Variants in MYO3A observed in about 807,000 individuals in gnomAD.
MYO3A encodes the protein myosin IIIA.
A neutral mutation model predicts 192.7 loss-of-function variants in MYO3A; 180 were observed. The observed-to-expected ratio is 0.93, with a 90% CI of 0.83 to 1.06. The LOEUF is 1.06. Ranked by LOEUF, MYO3A falls within the 50% of genes least tolerant of loss-of-function variation. The probability of loss-of-function intolerance (pLI) is 0.00; values close to 1 mark genes in which losing one functional copy is unlikely to be tolerated. For synonymous variants in MYO3A, 628 were observed against 645.3 expected (o/e 0.97, Z 0.41); for missense variants, 1,896 against 1,905.0 (o/e 1.00, Z 0.09).
At chr10:25,961,487 C>T (rs552465860) in intron 4 of MYO3A, among the ~76,000 whole-genome samples, 51 of 152,012 alleles carry the variant, frequency 3.4e-4, no homozygotes, top group Admixed American at 9.8e-4. Context: ...TCAGTAGAGT[C>T]GCTACAATTT....
chr10:26,203,171 A>G, intron 34 of MYO3A, 64 bp downstream of exon 34: 1 of 1,526,892 alleles, frequency 6.5e-7, no homozygotes, highest in Non-Finnish European at 9.0e-7. Flanking sequence ...ATTTCTTAAG[A>G]TATTTCACTT....
At chr10:26,040,674 G>A (rs957161138) in intron 10 of MYO3A, among the ~76,000 whole-genome samples, 3 of 152,026 alleles carry the variant, frequency 2.0e-5, no homozygotes, top group Non-Finnish European at 4.4e-5. Context: ...AATGGGAAAA[G>A]CGTTCATTTC....
intron 6 of MYO3A, among the ~76,000 whole-genome samples, chr10:26,011,602 A>G (rs951665655): frequency 2.0e-5 from 3 of 152,202 alleles, no homozygotes; most frequent in Admixed American, 2.0e-4. Context: ...AATAACAAAC[A>G]GCAAGATTGA....
intron 12 of MYO3A, 84 bp from the exon 13 acceptor site, chr10:26,070,026 TA>T: frequency 1.0e-6 from 1 of 970,316 alleles, no homozygotes; most frequent in Non-Finnish European, 1.6e-6. Context: ...TACTTTGCTT[TA>T]AAAATTGGAG....
chr10:26,003,033 G>A (rs571915848), intron 6 of MYO3A, among the ~76,000 whole-genome samples: 97 of 152,280 alleles, frequency 6.4e-4, no homozygotes, highest in African/African-American at 2.3e-3. Context: ...GAATGAAGGA[G>A]GGGGAAGACT....
Position 26,212,022 on chromosome 10 carries a change from G to A in MYO3A, c.*59G>A, listed in dbSNP as rs757310516. 7.6e-6 allele frequency: 12 copies of A among 1,584,432 alleles called. No homozygotes were observed. Among genetic ancestry groups the A allele is most frequent in the Non-Finnish European group, 1.0e-5 (12 of 1,162,326 alleles). On this transcript the variant is annotated 3_prime_UTR_variant, in exon 35 of 35. Transcript: ENST00000642920. ...CGCTGGAGCCTGCGGGGCAGCAGGG[G>A]CCAAGCAGGCACTCTGGGGCTGGCA...
chr10:26,091,657 C>G (rs190542360), intron 15 of MYO3A, among the ~76,000 whole-genome samples: 36 of 152,340 alleles, frequency 2.4e-4, no homozygotes, highest in African/African-American at 8.4e-4. Context: ...ATGTCAGGCA[C>G]TGCACTAAGC....
chr10:25,971,165 A>T (rs1479451144), intron 4 of MYO3A, among the ~76,000 whole-genome samples: 4 of 152,088 alleles, frequency 2.6e-5, no homozygotes. Context: ...ATAGTTTGTT[A>T]TCTGTCTTAT....
At chr10:26,035,891 A>G (rs143867263) in intron 10 of MYO3A, among the ~76,000 whole-genome samples, 1 of 152,194 alleles carries the variant, frequency 6.6e-6, no homozygotes, top group East Asian at 1.9e-4. Context: ...TGCATTACTA[A>G]GTAGAATATT....
At chr10:26,145,840 A>T (rs1317882483) in intron 22 of MYO3A, among the ~76,000 whole-genome samples, 2 of 152,240 alleles carry the variant, frequency 1.3e-5, no homozygotes, top group Non-Finnish European at 2.9e-5. Context: ...TTCTAGAGGA[A>T]TCATTTTTAA....
intron 32 of MYO3A, among the ~76,000 whole-genome samples, chr10:26,200,532 C>A (rs1843634500): frequency 6.6e-6 from 1 of 152,156 alleles, no homozygotes; most frequent in Non-Finnish European, 1.5e-5. Context: ...CACACAAAAA[C>A]ACATTACTAA....
At chr10:25,973,004 G>T (rs372788520) in intron 4 of MYO3A, among the ~76,000 whole-genome samples, 1 of 152,214 alleles carries the variant, frequency 6.6e-6, no homozygotes, top group South Asian at 2.1e-4. Context: ...AATTCTATTT[G>T]CTAATTCTGT....
chr10:26,082,548 G>T (rs1274403212), intron 14 of MYO3A, among the ~76,000 whole-genome samples: 3 of 152,142 alleles, frequency 2.0e-5, no homozygotes, highest in African/African-American at 7.2e-5. Flanking sequence ...TTACCCCACA[G>T]GGGATATGAT....
chr10:26,128,409 G>A lies in MYO3A; in HGVS notation c.2133G>A (p.Leu711=), dbSNP rs56147819. The A allele has an allele frequency of 6.0e-4, 966 of 1,613,158 alleles. 9 individuals are homozygous for A. In the Admixed American group the frequency reaches 7.3e-3, roughly 12 times the overall value. The change falls in exon 20 of 35, where the codon CTG becomes CTA. Residue 711 remains leucine (L), a synonymous_variant. Transcript: ENST00000642920. Reference sequence around the variant, plus strand: ...CTTCTAGTGGGAATGGTGATGAGCTGAGCATTGGCATTCTTGATATATTTG... The same window carrying A: ...CTTCTAGTGGGAATGGTGATGAGCTAAGCATTGGCATTCTTGATATATTTG... ...DSSPSGNGDE[L]SIGILDIFGF...
In MYO3A at chr10:26,070,318, T is replaced by G. The variant is rs774073811; in HGVS notation, c.1276T>G (p.Cys426Gly). ...QSMITYNSDQ[C>G]IVISGESGAG... Reference sequence around the variant, plus strand: ...TCACAGTTTTCTTTTCTATGTATAGTGCATTGTTATTTCTGGAGAAAGTGG... The same window carrying G: ...TCACAGTTTTCTTTTCTATGTATAGGGCATTGTTATTTCTGGAGAAAGTGG... Residue 426 changes from cysteine (C) to glycine (G), a missense_variant and splice_region_variant, in exon 14 of 35, where the codon TGC (cysteine) becomes GGC (glycine). By Grantham distance (159) the Cys-to-Gly change is radical. Coordinates refer to ENST00000642920, the MANE Select transcript of MYO3A (RefSeq NM_017433.5). 6.2e-7 allele frequency: 1 copy of G among 1,613,128 alleles called. No individual in the cohort carries two copies. Among genetic ancestry groups the G allele is most frequent in the South Asian group, 1.1e-5 (1 of 91,048 alleles).
At position 25,989,275 on chromosome 10, in the gene MYO3A, T is replaced by TA. The variant is rs1554795953; in HGVS notation, c.304-7212dup. ...TAGTTTTTTGGCTTTTTTTTTTTTT[T>TA]AAAGCAGCTTGCAATTTAAAAGATA... On this transcript the variant is annotated intron_variant, in intron 4 of 34. Transcript: ENST00000642920. Among the ~76,000 whole-genome samples, 86 of 150,798 alleles carry TA rather than the reference T, an allele frequency of 5.7e-4. 1 individual carries two copies. The highest frequency in any genetic ancestry group is 6.8e-3 in the Middle Eastern group (2 of 294).
chr10:25,992,424 G>A lies in MYO3A; in HGVS notation c.304-4066G>A, dbSNP rs143715811. ...GGAGATTTTGGGCTGAGACAATGGG[G>A]TTTTCTAAATATACAATCATGTCAT... On this transcript the variant is annotated intron_variant, in intron 4 of 34. Transcript: ENST00000642920. Among the ~76,000 whole-genome samples, 642 of 152,318 alleles carry A rather than the reference G, an allele frequency of 4.2e-3. 3 individuals are homozygous for A. The highest frequency in any genetic ancestry group is 0.015 in the African/African-American group (606 of 41,552).
intron 19 of MYO3A, 75 bp downstream of exon 19, chr10:26,125,683 T>A: frequency 1.6e-6 from 2 of 1,228,442 alleles, no homozygotes; most frequent in Non-Finnish European, 2.4e-6. Context: ...GATTGTTTTG[T>A]ATAGATCTCT....
intron 25 of MYO3A, among the ~76,000 whole-genome samples, chr10:26,155,525 TA>T (rs1396289012): frequency 2.6e-5 from 4 of 152,214 alleles, no homozygotes; most frequent in Non-Finnish European, 5.9e-5. Flanking sequence ...AGTTATTACT[TA>T]TGTAATTTAA....
Sources: allele counts gnomAD v4.1 joint callset (sites outside exome capture counted in the v4.1 genomes callset), GRCh38; gene constraint gnomAD v4.1.1; transcripts MANE v1.5; gene names NCBI Gene and HGNC (gene_info 2026-07-23, HGNC 2026-07-21).